The following DAB1 variants were observed in gnomAD, a reference collection of about 807,000 sequenced individuals.
The protein encoded by DAB1 is disabled homolog 1.
A neutral mutation model predicts 64.6 loss-of-function variants in DAB1; 15 were observed. That is an observed-to-expected ratio of 0.23 (90% CI 0.16 to 0.36). DAB1 has a LOEUF of 0.36. Ranked by LOEUF, DAB1 falls within the 10% of genes least tolerant of loss-of-function variation. DAB1 has a pLI of 1.00. For missense variants in DAB1, 596 were observed against 706.7 expected (o/e 0.84, Z 1.78); for synonymous variants, 235 against 251.9 (o/e 0.93, Z 0.64).
chr1:57,940,724 A>G (rs1009014578), intron 5 of DAB1, among the ~76,000 whole-genome samples: 1 of 152,136 alleles, frequency 6.6e-6, no homozygotes, highest in Non-Finnish European at 1.5e-5. Flanking sequence ...TCCCCACACT[A>G]TGCACCTCTA....
chr1:57,621,172 AGT>A (rs141990401), intron 7 of DAB1, among the ~76,000 whole-genome samples: 2 of 149,802 alleles, frequency 1.3e-5, no homozygotes, highest in East Asian at 2.0e-4. Context: ...CATAAGCTTG[AGT>A]GTGTGTGTGT....
intron 5 of DAB1, chr1:58,048,995 G>C (rs1425303464): frequency 5.0e-6 from 4 of 807,628 alleles, no homozygotes; most frequent in Non-Finnish European, 8.7e-6. Context: ...AGTTAAGTGG[G>C]CACCTGGTCT....
At chr1:57,102,432 T>C (rs1440018543) in intron 4 of DAB1, among the ~76,000 whole-genome samples, 1 of 152,224 alleles carries the variant, frequency 6.6e-6, no homozygotes, top group Non-Finnish European at 1.5e-5. Flanking sequence ...CTACATTATA[T>C]TAATGCACTA....
intron 7 of DAB1, among the ~76,000 whole-genome samples, chr1:57,539,491 G>C (rs192090924): frequency 6.6e-6 from 1 of 152,302 alleles, no homozygotes; most frequent in Admixed American, 6.5e-5. Flanking sequence ...ATGTGTAACT[G>C]ACAAGGAAGT....
chr1:57,697,817 A>C (rs1646862867), intron 6 of DAB1, among the ~76,000 whole-genome samples: 1 of 152,134 alleles, frequency 6.6e-6, no homozygotes. Flanking sequence ...ATTCTTTCAA[A>C]AACACAAATT....
At chr1:58,154,884 T>C (rs1295629473) in intron 4 of DAB1, among the ~76,000 whole-genome samples, 1 of 152,162 alleles carries the variant, frequency 6.6e-6, no homozygotes, top group Admixed American at 6.5e-5. Flanking sequence ...ATTAGCTAAG[T>C]AACTGAGAGA....
intron 2 of DAB1, among the ~76,000 whole-genome samples, chr1:57,147,989 T>C (rs1219402456): frequency 1.3e-5 from 2 of 152,166 alleles, no homozygotes; most frequent in Non-Finnish European, 2.9e-5. Context: ...CCATGATCAG[T>C]TGCTTCTTTT....
intron 1 of DAB1, among the ~76,000 whole-genome samples, chr1:57,840,362 G>A (rs985849189): frequency 6.6e-6 from 1 of 152,224 alleles, no homozygotes; most frequent in Non-Finnish European, 1.5e-5. Flanking sequence ...ATGGGACAGA[G>A]TGTATTCCAG....
chr1:58,279,944 T>C (rs952480980), intron 4 of DAB1, among the ~76,000 whole-genome samples: 3 of 152,156 alleles, frequency 2.0e-5, no homozygotes, highest in African/African-American at 7.2e-5. Context: ...GGAATTGGAC[T>C]CTGTCATGCA....
intron 5 of DAB1, among the ~76,000 whole-genome samples, chr1:58,127,467 G>C (rs1188330080): frequency 2.0e-5 from 3 of 150,806 alleles, no homozygotes; most frequent in African/African-American, 7.3e-5. Context: ...AGTTTAATTA[G>C]ATCCCATTTG....
intron 5 of DAB1, among the ~76,000 whole-genome samples, chr1:57,916,053 C>G (rs1362283772): frequency 2.0e-5 from 3 of 152,192 alleles, no homozygotes; most frequent in African/African-American, 7.2e-5. Flanking sequence ...GCCAAGACCC[C>G]GGGTCTTCTT....
At chr1:58,114,770 T>G (rs878918065) in intron 5 of DAB1, among the ~76,000 whole-genome samples, 1 of 152,116 alleles carries the variant, frequency 6.6e-6, no homozygotes, top group Admixed American at 6.6e-5. Context: ...TTAATCCTCT[T>G]CTCCCTCGTC....
chr1:57,261,177 A>C (rs1020703495), intron 2 of DAB1, among the ~76,000 whole-genome samples: 11 of 151,990 alleles, frequency 7.2e-5, no homozygotes, highest in African/African-American at 2.7e-4. Flanking sequence ...CAGCCACCCC[A>C]CCTGCCACCC....
Position 57,092,259 on chromosome 1 carries a change from G to A in DAB1, c.307-19845C>T, listed in dbSNP as rs185873513. Among the ~76,000 whole-genome samples, 12 of 152,270 alleles carry A rather than the reference G, an allele frequency of 7.9e-5. No homozygotes were observed. In the East Asian group the frequency reaches 2.3e-3, roughly 29 times the overall value. ...TACTGGACCCTAGAGGTACAGTGCT[G>A]AAATAGACATGGCGCCTGCTCCTTT... On this transcript the variant is annotated intron_variant, in intron 4 of 14. Coordinates refer to ENST00000371236, the MANE Select transcript of DAB1 (RefSeq NM_001365792.1).
chr1:57,200,391 A>T (rs1468379222), intron 2 of DAB1, among the ~76,000 whole-genome samples: 1 of 152,182 alleles, frequency 6.6e-6, no homozygotes, highest in Non-Finnish European at 1.5e-5. Context: ...TGTGAGAGGG[A>T]AAGTAGGGTA....
intron 3 of DAB1, among the ~76,000 whole-genome samples, chr1:58,469,331 C>G (rs367607139): frequency 6.6e-6 from 1 of 152,036 alleles, no homozygotes; most frequent in Non-Finnish European, 1.5e-5. Context: ...CCAGACCTAT[C>G]TCATGCAGTT....
At chr1:57,470,334 T>C (rs1179780126) in intron 7 of DAB1, among the ~76,000 whole-genome samples, 3 of 152,240 alleles carry the variant, frequency 2.0e-5, no homozygotes, top group African/African-American at 4.8e-5. Flanking sequence ...TCCAGAATTT[T>C]ACTTCCTCAC....
chr1:57,356,431 C>T (rs1406097315), intron 1 of DAB1, among the ~76,000 whole-genome samples: 3 of 152,040 alleles, frequency 2.0e-5, no homozygotes, highest in Non-Finnish European at 2.9e-5. Context: ...CAATAAACTT[C>T]AACTGTTGTT....
chr1:57,683,472 G>A (rs1646660593), intron 6 of DAB1, among the ~76,000 whole-genome samples: 1 of 152,076 alleles, frequency 6.6e-6, no homozygotes. Flanking sequence ...CTTATCTACT[G>A]GCCACTACTC....
Sources: gnomAD v4.1 joint callset for allele counts (sites outside exome capture counted in the v4.1 genomes callset) on GRCh38, gnomAD v4.1.1 for gene constraint, MANE v1.5 for transcripts, NCBI Gene and HGNC (gene_info 2026-07-23, HGNC 2026-07-21) for gene names.